Variants in LRFN2 observed in about 807,000 individuals in gnomAD.
LRFN2 encodes leucine rich repeat and fibronectin type III domain containing 2.
LRFN2 carries 18 observed loss-of-function variants against 37.3 expected under a neutral mutation model. The observed-to-expected ratio is 0.48, with a 90% CI of 0.33 to 0.72. LRFN2 has a LOEUF of 0.72. Among genes scored for constraint, LRFN2 ranks in the 30% least tolerant of loss-of-function variants. The pLI, the probability that LRFN2 is intolerant of heterozygous loss-of-function variation, is 0.02. For synonymous variants in LRFN2, 556 were observed against 466.6 expected (o/e 1.19, Z -2.47); for missense variants, 1,006 against 1,060.7 (o/e 0.95, Z 0.72).
At chr6:40,394,805 G>T (rs754078949) in intron 2 of LRFN2, among the ~76,000 whole-genome samples, 1 of 152,146 alleles carries the variant, frequency 6.6e-6, no homozygotes, top group African/African-American at 2.4e-5. Flanking sequence ...AATCTCATGA[G>T]ATCTGATGGT....
chr6:40,440,548 T>C (rs1196721873), intron 1 of LRFN2, among the ~76,000 whole-genome samples: 1 of 152,200 alleles, frequency 6.6e-6, no homozygotes, highest in African/African-American at 2.4e-5. Context: ...ACAGTAGCCC[T>C]TGGCCCCTCT....
chr6:40,398,508 G>A (rs1762661800), intron 2 of LRFN2, among the ~76,000 whole-genome samples: 1 of 151,748 alleles, frequency 6.6e-6, no homozygotes, highest in African/African-American at 2.4e-5. Context: ...GGCGGAGGAG[G>A]GGAGAGTGGA....
intron 1 of LRFN2, among the ~76,000 whole-genome samples, chr6:40,551,648 G>A (rs990234508): frequency 4.7e-4 from 71 of 152,180 alleles, no homozygotes; most frequent in South Asian, 1.0e-3. Flanking sequence ...ATACACAAAG[G>A]TGAACACCAT....
At chr6:40,533,783 C>T (rs1447547043) in intron 1 of LRFN2, among the ~76,000 whole-genome samples, 1 of 152,160 alleles carries the variant, frequency 6.6e-6, no homozygotes, top group African/African-American at 2.4e-5. Context: ...GGATTAAAAG[C>T]TCAGGTGGAC....
At chr6:40,475,286 G>C (rs577483083) in intron 1 of LRFN2, among the ~76,000 whole-genome samples, 2 of 152,336 alleles carry the variant, frequency 1.3e-5, no homozygotes, top group African/African-American at 2.4e-5. Context: ...GCAGGGAAGA[G>C]AGACAAGGAT....
chr6:40,523,463 G>A (rs976311011), intron 1 of LRFN2, among the ~76,000 whole-genome samples: 1 of 147,694 alleles, frequency 6.8e-6, no homozygotes, highest in African/African-American at 2.5e-5. Context: ...CTTTTGTTTG[G>A]TTGGTTTTTA....
At chr6:40,534,892 T>G (rs1291515849) in intron 1 of LRFN2, among the ~76,000 whole-genome samples, 1 of 152,124 alleles carries the variant, frequency 6.6e-6, no homozygotes, top group Admixed American at 6.5e-5. Context: ...CCCTAGGCAA[T>G]GAGTACCAGG....
intron 1 of LRFN2, among the ~76,000 whole-genome samples, chr6:40,480,474 T>C (rs9471354): frequency 0.18 from 27,492 of 151,768 alleles, 4,534 homozygotes; most frequent in African/African-American, 0.44. Context: ...ATGGGGGTCT[T>C]ACTATGTTGC....
rs572968954 is a variant in LRFN2 at position 40,497,346 on chromosome 6, C to T, written c.-18-64215G>A. 9.9e-5 allele frequency among the ~76,000 whole-genome samples: 15 copies of T among 152,220 alleles called. No individual in the cohort carries two copies. In the South Asian group the frequency reaches 2.9e-3, roughly 29 times the overall value. Reference sequence around the variant, plus strand: ...AGTCAACCAGGCCCAACCTGTTGCCCTCATAAATTCCTGCTCACCCAGGCT... The same window carrying T: ...AGTCAACCAGGCCCAACCTGTTGCCTTCATAAATTCCTGCTCACCCAGGCT... On this transcript the variant is annotated intron_variant, in intron 1 of 2. Coordinates refer to ENST00000338305, the MANE Select transcript of LRFN2 (RefSeq NM_020737.3).
At chr6:40,396,399 G>C (rs1239733052) in intron 2 of LRFN2, among the ~76,000 whole-genome samples, 2 of 152,120 alleles carry the variant, frequency 1.3e-5, no homozygotes, top group Admixed American at 1.3e-4. Context: ...GGGCAACTTT[G>C]TGAGGAACCC....
intron 1 of LRFN2, among the ~76,000 whole-genome samples, chr6:40,537,296 G>A (rs558024338): frequency 4.9e-4 from 74 of 152,292 alleles, no homozygotes; most frequent in African/African-American, 9.6e-4. Flanking sequence ...TAGGCCCTCA[G>A]GAATATTTGC....
chr6:40,470,661 T>C (rs539977202), intron 1 of LRFN2, among the ~76,000 whole-genome samples: 3 of 151,142 alleles, frequency 2.0e-5, no homozygotes, highest in South Asian at 4.2e-4. Flanking sequence ...AATTCCCCGA[T>C]GGAAAGAGGA....
At chr6:40,495,661 G>A (rs887705280) in intron 1 of LRFN2, among the ~76,000 whole-genome samples, 1 of 152,242 alleles carries the variant, frequency 6.6e-6, no homozygotes, top group African/African-American at 2.4e-5. Context: ...ATGTTGACTA[G>A]CTCTAATGTA....
intron 1 of LRFN2, among the ~76,000 whole-genome samples, chr6:40,544,207 T>C (rs1470340878): frequency 6.6e-6 from 1 of 152,214 alleles, no homozygotes; most frequent in Non-Finnish European, 1.5e-5. Flanking sequence ...CAAACCCTTA[T>C]ACCAGGCAAG....
rs190152176 is a variant in LRFN2, at chr6:40,541,380, C to T, written c.-19+45561G>A. 3.9e-3 allele frequency among the ~76,000 whole-genome samples: 600 copies of T among 152,294 alleles called. 1 individual carries two copies. Among genetic ancestry groups the T allele is most frequent in the African/African-American group, 0.014 (568 of 41,562 alleles). On this transcript the variant is annotated intron_variant, in intron 1 of 2. Coordinates refer to ENST00000338305, the MANE Select transcript of LRFN2 (RefSeq NM_020737.3). ...AGGACCTTCTGCACAAGGCACAGTGCAAGGAAGAACTCACAGCTGAGCCAG... is the reference window on the plus strand; with the variant it reads ...AGGACCTTCTGCACAAGGCACAGTGTAAGGAAGAACTCACAGCTGAGCCAG...
At chr6:40,451,898 C>T (rs1339308624) in intron 1 of LRFN2, among the ~76,000 whole-genome samples, 1 of 152,164 alleles carries the variant, frequency 6.6e-6, no homozygotes, top group Non-Finnish European at 1.5e-5. Context: ...ACATATGACA[C>T]CTTTCCAGAT....
At chr6:40,425,395 T>G (rs1032558077) in intron 2 of LRFN2, among the ~76,000 whole-genome samples, 1 of 152,214 alleles carries the variant, frequency 6.6e-6, no homozygotes, top group African/African-American at 2.4e-5. Context: ...ACAGATGTTC[T>G]TGACAACTCT....
At chr6:40,572,378 C>T (rs1191132592) in intron 1 of LRFN2, among the ~76,000 whole-genome samples, 2 of 152,220 alleles carry the variant, frequency 1.3e-5, no homozygotes, top group South Asian at 4.1e-4. Flanking sequence ...CATTAGCCCC[C>T]TGTGTGCCTC....
In LRFN2 at chr6:40,464,330, G is replaced by T. The variant is rs376309394; in HGVS notation, c.-18-31199C>A. Among the ~76,000 whole-genome samples the T allele has an allele frequency of 1.9e-4, 29 of 152,270 alleles. No individual in the cohort carries two copies. In the East Asian group the frequency reaches 2.7e-3, roughly 14 times the overall value. ...ATGTATGCCTTAAAGTTCATGTGTT[G>T]GAAACTTAATCATCAATGCAACAAT... On this transcript the variant is annotated intron_variant, in intron 1 of 2. Coordinates refer to ENST00000338305, the MANE Select transcript of LRFN2 (RefSeq NM_020737.3).
Sources: gnomAD v4.1 joint callset for allele counts (sites outside exome capture counted in the v4.1 genomes callset) on GRCh38, gnomAD v4.1.1 for gene constraint, MANE v1.5 for transcripts, NCBI Gene and HGNC (gene_info 2026-07-23, HGNC 2026-07-21) for gene names.